CAMTA1: variants seen among roughly 807,000 people sequenced by gnomAD.
The protein encoded by CAMTA1 is calmodulin binding transcription activator 1.
A neutral mutation model predicts 170.9 loss-of-function variants in CAMTA1; 27 were observed. The observed-to-expected ratio is 0.16, with a 90% CI of 0.12 to 0.22. The LOEUF is 0.22. Among genes scored for constraint, CAMTA1 ranks in the 10% least tolerant of loss-of-function variants. The pLI is 1.00. For missense variants in CAMTA1, 1,619 were observed against 2,217.2 expected, an observed-to-expected ratio of 0.73 and a Z score of 5.42; for synonymous variants, 833 against 891.5, an observed-to-expected ratio of 0.93 and a Z score of 1.17.
intron 5 of CAMTA1, among the ~76,000 whole-genome samples, chr1:7,441,875 C>T (rs1322297035): frequency 7.2e-5 from 11 of 152,200 alleles, no homozygotes; most frequent in African/African-American, 1.7e-4. Flanking sequence ...CTTAGACCAA[C>T]GTGGGTTCTG....
chr1:7,381,136 CT>C (rs149678254), intron 5 of CAMTA1, among the ~76,000 whole-genome samples: 3,421 of 151,956 alleles, frequency 0.023, 115 homozygotes, highest in African/African-American at 0.079. Context: ...TTTGATTTTT[CT>C]TTTTTTTATT....
chr1:7,404,649 C>G lies in CAMTA1; in HGVS notation c.439-63181C>G, dbSNP rs546168041. Reference sequence around the variant, plus strand: ...GCAGGCCCACGTCCGTCCCCTCACCCTGGCTCCCCAGGAGTCCTGCTGAGG... The same window carrying G: ...GCAGGCCCACGTCCGTCCCCTCACCGTGGCTCCCCAGGAGTCCTGCTGAGG... On this transcript the variant is annotated intron_variant, in intron 5 of 22. Transcript: ENST00000303635. Among the ~76,000 whole-genome samples the G allele has an allele frequency of 2.6e-5, 4 of 152,296 alleles. No individual in the cohort carries two copies. The South Asian group carries it at 8.3e-4, about 32-fold the overall frequency.
At position 6,995,295 on chromosome 1, in the gene CAMTA1, C is replaced by CTTTTTTTTTTTTTTTTTTTTTTT. The variant is rs765139922; in HGVS notation, c.235-96007_235-95985dup. On this transcript the variant is annotated intron_variant, in intron 3 of 22. Transcript: ENST00000303635. Reference sequence around the variant, plus strand: ...TCCTTTAAAATCTTTTTTTTCTTTTCTTTTTTTTTTTTTTTTTTTTTTTTG... The same window carrying CTTTTTTTTTTTTTTTTTTTTTTT: ...TCCTTTAAAATCTTTTTTTTCTTTTCTTTTTTTTTTTTTTTTTTTTTTTTTTTTTTTTTTTTTTTTTTTTTTTG... 2.5e-4 allele frequency among the ~76,000 whole-genome samples: 15 copies of CTTTTTTTTTTTTTTTTTTTTTTT among 60,624 alleles called. 2 individuals carry two copies. Among genetic ancestry groups the CTTTTTTTTTTTTTTTTTTTTTTT allele is most frequent in the South Asian group, 7.9e-4 (1 of 1,264 alleles). The allele number at this position is 60,624 out of a possible 152,430, so 39.8% of individuals were successfully genotyped here. A position where few individuals can be genotyped will look rare whatever the true frequency, so the allele number is the denominator to read the frequency against.
At chr1:7,265,314 T>C (rs751604487) in intron 5 of CAMTA1, among the ~76,000 whole-genome samples, 1 of 152,190 alleles carries the variant, frequency 6.6e-6, no homozygotes, top group Non-Finnish European at 1.5e-5. Context: ...CTTTTTAATT[T>C]TTTTTTTTAT....
At chr1:7,364,833 C>T (rs1201307762) in intron 5 of CAMTA1, among the ~76,000 whole-genome samples, 1 of 152,094 alleles carries the variant, frequency 6.6e-6, no homozygotes, top group African/African-American at 2.4e-5. Flanking sequence ...GAGTCCATGG[C>T]ACAAAGCAAG....
At chr1:7,310,678 T>TTC (rs70984069) in intron 5 of CAMTA1, among the ~76,000 whole-genome samples, 422 of 34,630 alleles carry the variant, frequency 0.012, 26 homozygotes, top group South Asian at 0.016. Context: ...TTTCCTTTCT[T>TTC]TCTCTCTCTC....
chr1:7,731,366 G>A (rs1458300700), intron 11 of CAMTA1, among the ~76,000 whole-genome samples: 2 of 152,052 alleles, frequency 1.3e-5, no homozygotes, highest in African/African-American at 4.8e-5. Flanking sequence ...GAGGTCAGGA[G>A]TTCAAGACCA....
At chr1:7,313,889 G>T (rs1677105525) in intron 5 of CAMTA1, among the ~76,000 whole-genome samples, 1 of 152,164 alleles carries the variant, frequency 6.6e-6, no homozygotes, top group Admixed American at 6.5e-5. Flanking sequence ...GGAAGGCAGC[G>T]AGAAAGCAGT....
At chr1:6,939,521 C>T (rs1411096147) in intron 3 of CAMTA1, among the ~76,000 whole-genome samples, 2 of 152,232 alleles carry the variant, frequency 1.3e-5, no homozygotes, top group African/African-American at 4.8e-5. Flanking sequence ...CCCAGCACAA[C>T]TCCATGCACA....
At position 7,547,445 on chromosome 1, in the gene CAMTA1, G is replaced by A. The variant is rs4908650; in HGVS notation, c.510+79544G>A. Among the ~76,000 whole-genome samples the A allele has an allele frequency of 0.25, 37,289 of 151,580 alleles. 5,663 individuals are homozygous for A. Among genetic ancestry groups the A allele is most frequent in the African/African-American group, 0.42 (17,132 of 41,212 alleles). On this transcript the variant is annotated intron_variant, in intron 6 of 22. Transcript: ENST00000303635. The surrounding 1 kb of genome is among the most constrained non-coding windows in gnomAD (Gnocchi z 5.7). ...CATCCGTGGATTCAACCAACAACGGGCCAAAAATATCCAGGAAAAAAATTG... is the reference window on the plus strand; with the variant it reads ...CATCCGTGGATTCAACCAACAACGGACCAAAAATATCCAGGAAAAAAATTG...
intron 4 of CAMTA1, among the ~76,000 whole-genome samples, chr1:7,244,664 T>C (rs947196091): frequency 6.6e-6 from 1 of 151,568 alleles, no homozygotes; most frequent in African/African-American, 2.4e-5. Context: ...CACCACATGT[T>C]CTCACTCATA....
At chr1:7,619,562 T>G (rs1282118458) in intron 6 of CAMTA1, among the ~76,000 whole-genome samples, 1 of 152,122 alleles carries the variant, frequency 6.6e-6, no homozygotes, top group Admixed American at 6.5e-5. Context: ...TATTCCCTTA[T>G]GAGGAAGATG....
intron 5 of CAMTA1, among the ~76,000 whole-genome samples, chr1:7,359,537 T>C (rs1346472350): frequency 6.6e-6 from 1 of 152,192 alleles, no homozygotes; most frequent in Non-Finnish European, 1.5e-5. Context: ...CGACGGCACC[T>C]TTTCTTGAAG....
At position 7,659,809 on chromosome 1, in the gene CAMTA1, A is replaced by G. The variant is rs767928968; in HGVS notation, c.665-1917A>G. ...CACTAGTGATGTTATGACAACAGCTACCCTTTTTTTGGGTATGCACAAAGT... is the reference window on the plus strand; with the variant it reads ...CACTAGTGATGTTATGACAACAGCTGCCCTTTTTTTGGGTATGCACAAAGT... On this transcript the variant is annotated intron_variant, in intron 7 of 22. Coordinates refer to ENST00000303635, the MANE Select transcript of CAMTA1 (RefSeq NM_015215.4). Among the ~76,000 whole-genome samples, 4 of 152,084 alleles carry G rather than the reference A, an allele frequency of 2.6e-5. 1 individual carries two copies. Among genetic ancestry groups the G allele is most frequent in the Non-Finnish European group, 5.9e-5 (4 of 68,008 alleles).
intron 5 of CAMTA1, among the ~76,000 whole-genome samples, chr1:7,256,561 A>G (rs1441826892): frequency 6.6e-6 from 1 of 152,018 alleles, no homozygotes; most frequent in Non-Finnish European, 1.5e-5. Context: ...CCGTCTCAAA[A>G]ACAAAAACAA....
intron 16 of CAMTA1, among the ~76,000 whole-genome samples, chr1:7,739,630 G>A (rs1425081894): frequency 1.3e-5 from 2 of 152,160 alleles, no homozygotes; most frequent in African/African-American, 2.4e-5. Context: ...ATGGTGGCAG[G>A]CAAGAGAGAA....
intron 5 of CAMTA1, among the ~76,000 whole-genome samples, chr1:7,440,541 C>G (rs1271428191): frequency 6.6e-6 from 1 of 152,234 alleles, no homozygotes; most frequent in Non-Finnish European, 1.5e-5. Context: ...TAGTCTTTCT[C>G]TGTGTAGCAG....
intron 3 of CAMTA1, among the ~76,000 whole-genome samples, chr1:6,999,461 G>T (rs1262787525): frequency 6.6e-6 from 1 of 152,140 alleles, no homozygotes; most frequent in African/African-American, 2.4e-5. Context: ...TTGGCTCACT[G>T]CAACCTCTGC....
intron 5 of CAMTA1, among the ~76,000 whole-genome samples, chr1:7,368,533 G>A (rs1278330758): frequency 6.6e-6 from 1 of 152,160 alleles, no homozygotes; most frequent in Non-Finnish European, 1.5e-5. Flanking sequence ...GCTGAGCAGA[G>A]TGAGCTCACA....
Sources: allele counts gnomAD v4.1 joint callset (sites outside exome capture counted in the v4.1 genomes callset), GRCh38; gene constraint gnomAD v4.1.1; non-coding constraint Gnocchi (gnomAD v3.1); transcripts MANE v1.5; gene names NCBI Gene and HGNC (gene_info 2026-07-23, HGNC 2026-07-21).